NAA35: variants seen among roughly 807,000 people sequenced by gnomAD.
The protein encoded by NAA35 is N-alpha-acetyltransferase 35, NatC auxiliary subunit, also known as MAK10 homolog, amino-acid N-acetyltransferase subunit.
In NAA35, 18 loss-of-function variants were observed where a neutral mutation model predicts 101.7. The ratio of observed to expected loss-of-function variants is 0.18; its 90% CI spans 0.12 to 0.26. The LOEUF (loss-of-function observed/expected upper bound fraction) is 0.26. Ranked by LOEUF, NAA35 falls within the 10% of genes least tolerant of loss-of-function variation. NAA35 has a pLI of 1.00. For missense variants in NAA35, 601 were observed against 886.8 expected, an observed-to-expected ratio of 0.68 and a Z score of 4.09; for synonymous variants, 267 against 273.1, an observed-to-expected ratio of 0.98 and a Z score of 0.22.
At chr9:85,945,034 A>G (rs149864809) in intron 2 of NAA35, among the ~76,000 whole-genome samples, 15 of 152,342 alleles carry the variant, frequency 9.8e-5, no homozygotes, top group Admixed American at 6.5e-5. Flanking sequence ...ATTGAACCCA[A>G]GAAAGCAGTT....
At chr9:86,012,742 T>G (rs1359625919) in intron 15 of NAA35, among the ~76,000 whole-genome samples, 1 of 152,224 alleles carries the variant, frequency 6.6e-6, no homozygotes, top group Non-Finnish European at 1.5e-5. Flanking sequence ...CATTGGCTTT[T>G]GACTCAAGCA....
chr9:85,978,802 G>A (rs1830319514), intron 11 of NAA35, among the ~76,000 whole-genome samples: 1 of 152,042 alleles, frequency 6.6e-6, no homozygotes, highest in Non-Finnish European at 1.5e-5. Context: ...TAGTTTGGCG[G>A]GCAGTGGGTG....
intron 11 of NAA35, among the ~76,000 whole-genome samples, chr9:85,993,815 C>G (rs2118233192): frequency 6.6e-6 from 1 of 151,932 alleles, no homozygotes; most frequent in East Asian, 1.9e-4. Flanking sequence ...TCAAAAAACC[C>G]TTTGCATCTA....
At chr9:85,949,493 C>T (rs1828918961) in intron 2 of NAA35, among the ~76,000 whole-genome samples, 1 of 152,006 alleles carries the variant, frequency 6.6e-6, no homozygotes, top group Admixed American at 6.6e-5. Context: ...CGGGGTTTCA[C>T]TGTGTTGGCT....
intron 2 of NAA35, among the ~76,000 whole-genome samples, chr9:85,945,950 GATTT>G (rs1308141825): frequency 7.2e-5 from 11 of 152,108 alleles, no homozygotes; most frequent in African/African-American, 2.7e-4. Flanking sequence ...CAACTTTTAT[GATTT>G]ATTTTATTTC....
At chr9:86,018,589 T>C (rs1832349054) in intron 20 of NAA35, 110 bp from the exon 21 acceptor site, 1 of 1,413,380 alleles carries the variant, frequency 7.1e-7, no homozygotes, top group African/African-American at 1.4e-5. Flanking sequence ...TTTGCCCCAG[T>C]GTCTGTGTAT....
chr9:85,956,688 A>G (rs1373254153), intron 3 of NAA35, among the ~76,000 whole-genome samples: 1 of 152,194 alleles, frequency 6.6e-6, no homozygotes, highest in Non-Finnish European at 1.5e-5. Flanking sequence ...GTCATATGTG[A>G]TAGGTTGCTT....
intron 3 of NAA35, among the ~76,000 whole-genome samples, chr9:85,957,821 C>G (rs1829340671): frequency 1.3e-5 from 2 of 152,132 alleles, no homozygotes; most frequent in African/African-American, 4.8e-5. Flanking sequence ...AAATTCAGTT[C>G]TTCTCAGATT....
chr9:85,982,340 C>CA (rs1830470763), intron 11 of NAA35, among the ~76,000 whole-genome samples: 1 of 151,878 alleles, frequency 6.6e-6, no homozygotes, highest in Non-Finnish European at 1.5e-5. Flanking sequence ...AAGAAAGGAG[C>CA]AAAAAAATCC....
intron 5 of NAA35, among the ~76,000 whole-genome samples, chr9:85,961,498 C>T (rs75339821): frequency 6.6e-6 from 1 of 152,134 alleles, no homozygotes; most frequent in Non-Finnish European, 1.5e-5. Context: ...ATATAGTGGT[C>T]ACTTAGTAAA....
chr9:86,004,102 GT>G (rs889258043), intron 13 of NAA35, among the ~76,000 whole-genome samples: 1 of 151,992 alleles, frequency 6.6e-6, no homozygotes, highest in Admixed American at 6.6e-5. Flanking sequence ...AGCATTGAAT[GT>G]TTTTTTGTTT....
intron 11 of NAA35, among the ~76,000 whole-genome samples, chr9:85,985,013 C>T (rs1732491425): frequency 6.6e-6 from 1 of 152,096 alleles, no homozygotes; most frequent in Non-Finnish European, 1.5e-5. Flanking sequence ...AGACATTTCT[C>T]CAGATAAGAT....
intron 17 of NAA35, among the ~76,000 whole-genome samples, chr9:86,015,085 G>A (rs1832139179): frequency 6.6e-6 from 1 of 152,016 alleles, no homozygotes; most frequent in Non-Finnish European, 1.5e-5. Flanking sequence ...TTTTTATAGG[G>A]GAACATGCTC....
rs778737146 is a variant in NAA35, at chr9:85,959,780, TC to T, written c.274-11del. On this transcript the variant is annotated splice_polypyrimidine_tract_variant and intron_variant, in intron 4 of 22. Coordinates refer to ENST00000361671, the MANE Select transcript of NAA35 (RefSeq NM_024635.4). Reference sequence around the variant, plus strand: ...AATTTCTGCTTATATGTCACATTCTTCCTCCTTTTTAGGATGGCACTATTAA... The same window carrying T: ...AATTTCTGCTTATATGTCACATTCTTCTCCTTTTTAGGATGGCACTATTAA... 2.4e-5 allele frequency: 39 copies of T among 1,597,364 alleles called. No individual in the cohort carries two copies. The South Asian group carries it at 4.3e-4, about 18-fold the overall frequency.
chr9:85,983,391 A>G (rs1221141600), intron 11 of NAA35, among the ~76,000 whole-genome samples: 1 of 152,204 alleles, frequency 6.6e-6, no homozygotes, highest in East Asian at 1.9e-4. Flanking sequence ...TAAATATGCT[A>G]ATTTCAGCAA....
In NAA35 at chr9:85,951,294, T is replaced by C. The variant is rs184489510; in HGVS notation, c.125-5066T>C. ...CAATGTCTGGCATAACAGAGGGCAATTGAATTCTCATATTTGCTTCTGTAA... is the reference window on the plus strand; with the variant it reads ...CAATGTCTGGCATAACAGAGGGCAACTGAATTCTCATATTTGCTTCTGTAA... On this transcript the variant is annotated intron_variant, in intron 2 of 22. Transcript: ENST00000361671. Among the ~76,000 whole-genome samples, 544 of 152,328 alleles carry C rather than the reference T, an allele frequency of 3.6e-3. 3 individuals carry two copies. The highest frequency in any genetic ancestry group is 6.5e-3 in the Admixed American group (99 of 15,302).
chr9:85,983,771 A>G (rs1298090411), intron 11 of NAA35, among the ~76,000 whole-genome samples: 1 of 152,106 alleles, frequency 6.6e-6, no homozygotes, highest in Non-Finnish European at 1.5e-5. Flanking sequence ...CTATGTAACA[A>G]ACCTGCATGT....
intron 3 of NAA35, among the ~76,000 whole-genome samples, chr9:85,957,254 A>G (rs1225109453): frequency 6.6e-6 from 1 of 152,244 alleles, no homozygotes; most frequent in African/African-American, 2.4e-5. Context: ...AATGTAATGA[A>G]GAAAATCATA....
chr9:85,956,485 A>G (rs1200438376), intron 3 of NAA35, 92 bp downstream of exon 3: 2 of 663,772 alleles, frequency 3.0e-6, no homozygotes, highest in Non-Finnish European at 4.7e-6. Context: ...AGTTTGAGTA[A>G]ATTTACGTTT....
Sources: gnomAD v4.1 joint callset for allele counts (sites outside exome capture counted in the v4.1 genomes callset) on GRCh38, gnomAD v4.1.1 for gene constraint, MANE v1.5 for transcripts, NCBI Gene and HGNC (gene_info 2026-07-23, HGNC 2026-07-21) for gene names.